The following WNT10B variants were observed in gnomAD, a reference collection of about 807,000 sequenced individuals.
WNT10B encodes the protein Wnt family member 10B, also known as protein Wnt-10b.
Under a neutral mutation model 32.7 loss-of-function variants are expected in WNT10B, and 26 were observed. That is an observed-to-expected ratio of 0.79 (90% CI 0.58 to 1.10). The LOEUF (loss-of-function observed/expected upper bound fraction) is 1.10, where lower values mean the gene tolerates loss of function less well. Ranked by LOEUF, WNT10B falls within the 50% of genes least tolerant of loss-of-function variation. The pLI, the probability that WNT10B is intolerant of heterozygous loss-of-function variation, is 0.00. For synonymous variants in WNT10B, 204 were observed against 220.4 expected (o/e 0.93, Z 0.66); for missense variants, 474 against 532.5 (o/e 0.89, Z 1.08).
At chr12:48,968,713 T>G (rs964180278) in intron 3 of WNT10B, among the ~76,000 whole-genome samples, 4 of 151,938 alleles carry the variant, frequency 2.6e-5, no homozygotes, top group African/African-American at 7.3e-5. Context: ...TCTGAAAGCC[T>G]TAGAAATTCC....
rs1592249379 is a variant in WNT10B, at chr12:48,966,018, A to C, written c.*77T>G. 16 of 1,557,456 alleles carry C rather than the reference A, an allele frequency of 1.0e-5. No homozygotes were observed. In the East Asian group the frequency reaches 3.6e-4, roughly 35 times the overall value. On this transcript the variant is annotated 3_prime_UTR_variant, in exon 5 of 5. Transcript: ENST00000301061. ...TCCAGGGACCAAGAGTGACCTTGGA[A>C]GGAAATCAGAGCAAAGGGCTGAAAA...
Position 48,968,043 on chromosome 12 carries a change from A to AT in WNT10B, c.613_614insA (p.Phe205TyrfsTer37). On this transcript the variant is annotated frameshift_variant, in exon 4 of 5. Transcript: ENST00000301061. LOFTEE classifies it high-confidence loss of function. ...GAAATCCCGAGAGAACTTCTCTCCA[A>AT]AGTCCATGTCATGGTTACAGCCACC... The AT allele has an allele frequency of 6.2e-7, 1 of 1,614,254 alleles. No individual in the cohort carries two copies. Among genetic ancestry groups the AT allele is most frequent in the East Asian group, 2.2e-5 (1 of 44,886 alleles).
chr12:48,969,969 G>A (rs2137614591), intron 3 of WNT10B, 120 bp downstream of exon 3: 1 of 1,216,094 alleles, frequency 8.2e-7, no homozygotes, highest in East Asian at 3.1e-5. Context: ...GGGGGGCGGG[G>A]AATTCCAGGA....
chr12:48,967,641 G>A (rs1019012313), intron 4 of WNT10B, among the ~76,000 whole-genome samples: 8 of 152,044 alleles, frequency 5.3e-5, no homozygotes, highest in Non-Finnish European at 4.4e-5. Flanking sequence ...ATATAGAGAT[G>A]GGGTCTCACA....
Position 48,971,635 on chromosome 12 carries a change from A to AAGGGAGGG in WNT10B, c.-229_-222dup, listed in dbSNP as rs1940857425. On this transcript the variant is annotated 5_prime_UTR_variant, in exon 1 of 5. Coordinates refer to ENST00000301061, the MANE Select transcript of WNT10B (RefSeq NM_003394.4). ...CAGCGCCGCCGCGGCCGCCGGGAGGAAGGGAGGGAGGAAGGGAGGGAGTGA... is the reference window on the plus strand; with the variant it reads ...CAGCGCCGCCGCGGCCGCCGGGAGGAAGGGAGGGAGGGAGGGAGGAAGGGAGGGAGTGA... 6.6e-6 allele frequency: 1 copy of AAGGGAGGG among 152,498 alleles called. No individual in the cohort carries two copies. The highest frequency in any genetic ancestry group is 2.4e-5 in the African/African-American group (1 of 41,358). The allele number at this position is 152,498 out of a possible 1,614,324, so 9.4% of individuals were successfully genotyped here.
Position 48,965,836 on chromosome 12 carries a change from T to C in WNT10B, c.*259A>G. The stretch of plus-strand genomic sequence containing the variant: ...TTGAGAAGTGGGAGGAGCAATACAG[T>C]GCATTTCATCTTAGTCCATTCAGGT... On this transcript the variant is annotated 3_prime_UTR_variant, in exon 5 of 5. Transcript: ENST00000301061. 1 of 540,902 alleles carries C rather than the reference T, an allele frequency of 1.8e-6. No homozygotes were observed. The highest frequency in any genetic ancestry group is 2.1e-5 in the South Asian group (1 of 47,060). 33.5% of individuals were successfully genotyped at this position (540,902 alleles called of 1,614,324 possible). A position where few individuals can be genotyped will look rare whatever the true frequency, so the allele number is the denominator to read the frequency against.
In WNT10B at chr12:48,965,659, G is replaced by T. The variant is rs1001074244; in HGVS notation, c.*436C>A. 1.2e-5 allele frequency: 2 copies of T among 171,994 alleles called. No individual in the cohort carries two copies. The highest frequency in any genetic ancestry group is 2.5e-5 in the Non-Finnish European group (2 of 79,626). 10.7% of individuals were successfully genotyped at this position (171,994 alleles called of 1,614,324 possible). ...CCAGGCTGCAGTAAAGGAGTTTGGG[G>T]ATAGTACATAGGAGTGGGTGATCTC... On this transcript the variant is annotated 3_prime_UTR_variant, in exon 5 of 5. Transcript: ENST00000301061.
In WNT10B at chr12:48,970,432, T is replaced by C; in HGVS notation, c.74+24A>G. 2 of 1,613,658 alleles carry C rather than the reference T, an allele frequency of 1.2e-6. No individual in the cohort carries two copies. The highest frequency in any genetic ancestry group is 2.2e-5 in the South Asian group (2 of 90,980). ...ACCCCGGGTCGGTGTTTCTATGGCC[T>C]GGGAGACAAGGGGAACTGCTCACCG... On this transcript the variant is annotated intron_variant, in intron 2 of 4. Coordinates refer to ENST00000301061, the MANE Select transcript of WNT10B (RefSeq NM_003394.4). The surrounding 1 kb of genome is among the most constrained non-coding windows in gnomAD (Gnocchi z 5.0).
chr12:48,969,281 AT>A lies in WNT10B; in HGVS notation c.337+807del, dbSNP rs1416168261. 2.9e-5 allele frequency: 11 copies of A among 385,532 alleles called. No individual in the cohort carries two copies. The Admixed American group carries it at 4.0e-4, about 14-fold the overall frequency. The allele number at this position is 385,532 out of a possible 1,614,324, so 23.9% of individuals were successfully genotyped here. ...CTAGGGCTCCTGGGCCAGCCTTCTG[AT>A]CCCCCTAACTCCAACCCTCCAGGGG... On this transcript the variant is annotated intron_variant, in intron 3 of 4. Coordinates refer to ENST00000301061, the MANE Select transcript of WNT10B (RefSeq NM_003394.4).
chr12:48,965,704 T>C lies in WNT10B; in HGVS notation c.*391A>G, dbSNP rs1940718784. The C allele has an allele frequency of 4.2e-6, 1 of 236,152 alleles. No homozygotes were observed. Among genetic ancestry groups the C allele is most frequent in the African/African-American group, 2.2e-5 (1 of 44,824 alleles). The allele number at this position is 236,152 out of a possible 1,614,324, so 14.6% of individuals were successfully genotyped here. On this transcript the variant is annotated 3_prime_UTR_variant, in exon 5 of 5. Coordinates refer to ENST00000301061, the MANE Select transcript of WNT10B (RefSeq NM_003394.4). ...GATCTCTTTCTAGATACAGATCTTATGGCTCCAAACAGTGCCTGGGGTTAT... is the reference window on the plus strand; with the variant it reads ...GATCTCTTTCTAGATACAGATCTTACGGCTCCAAACAGTGCCTGGGGTTAT...
At chr12:48,969,761 G>GT (rs1003986131) in intron 3 of WNT10B, among the ~76,000 whole-genome samples, 1 of 140,664 alleles carries the variant, frequency 7.1e-6, no homozygotes, top group Non-Finnish European at 1.7e-5. Flanking sequence ...GGAGGGAATA[G>GT]GGGGGCGTTT....
intron 4 of WNT10B, among the ~76,000 whole-genome samples, chr12:48,967,420 T>C (rs1940756355): frequency 6.6e-6 from 1 of 152,106 alleles, no homozygotes; most frequent in Admixed American, 6.6e-5. Flanking sequence ...CGCCTCGGCC[T>C]CCCAAAGTGC....
rs1340836134 is a variant in WNT10B, at chr12:48,968,157, A to G, written c.500T>C (p.Leu167Pro). 4 of 1,614,098 alleles carry G rather than the reference A, an allele frequency of 2.5e-6. No individual in the cohort carries two copies. The South Asian group carries it at 3.3e-5, about 13-fold the overall frequency. ...GTGGGGGAAACTCTTGCCTCGGGAC[A>G]GTGCCTGCAGCTGCAGCAGTTTGGC... ...LRAKLLQLQA[L>P]SRGKSFPHSL... The change falls in exon 4 of 5, where the codon CTG becomes CCG. Residue 167 changes from leucine to proline, a missense_variant. Physicochemically the swap from Leu to Pro is moderately conservative, Grantham distance 98. Coordinates refer to ENST00000301061, the MANE Select transcript of WNT10B (RefSeq NM_003394.4).
In WNT10B at chr12:48,966,023, A is replaced by G; in HGVS notation, c.*72T>C. On this transcript the variant is annotated 3_prime_UTR_variant, in exon 5 of 5. Coordinates refer to ENST00000301061, the MANE Select transcript of WNT10B (RefSeq NM_003394.4). ...GGACCAAGAGTGACCTTGGAAGGAA[A>G]TCAGAGCAAAGGGCTGAAAAGGCGC... The G allele has an allele frequency of 6.4e-7, 1 of 1,573,888 alleles. No homozygotes were observed.
rs776000270 is a variant in WNT10B, at chr12:48,968,050, T to C, written c.607A>G (p.Met203Val). The change falls in exon 4 of 5, where the codon ATG (methionine) becomes GTG (valine). Residue 203 changes from methionine (M) to valine (V), a missense_variant. Transcript: ENST00000301061. Reference sequence around the variant, plus strand: ...CGAGAGAACTTCTCTCCAAAGTCCATGTCATGGTTACAGCCACCCCATTCC... The same window carrying C: ...CGAGAGAACTTCTCTCCAAAGTCCACGTCATGGTTACAGCCACCCCATTCC... ...TWEWGGCNHD[M>V]DFGEKFSRDF... 1 of 1,614,228 alleles carries C rather than the reference T, an allele frequency of 6.2e-7. No individual in the cohort carries two copies. Among genetic ancestry groups the C allele is most frequent in the East Asian group, 2.2e-5 (1 of 44,892 alleles).
intron 3 of WNT10B, among the ~76,000 whole-genome samples, chr12:48,969,306 G>A (rs1940803049): frequency 6.6e-6 from 1 of 152,166 alleles, no homozygotes; most frequent in South Asian, 2.1e-4. Context: ...ACCCTCCAGG[G>A]GTGAAGCTGT....
chr12:48,971,112 A>T (rs1940847515), intron 1 of WNT10B, among the ~76,000 whole-genome samples: 1 of 152,144 alleles, frequency 6.6e-6, no homozygotes, highest in East Asian at 1.9e-4. Flanking sequence ...GAGAGGCTCC[A>T]GGTGCAGGAA....
chr12:48,970,794 C>A lies in WNT10B; in HGVS notation c.-40-225G>T. ...GCGTTGTCCCAGCTCAGGACTCAAG[C>A]GAGCACCCCTGGAACCTTGCCCAAT... On this transcript the variant is annotated intron_variant, in intron 1 of 4. Coordinates refer to ENST00000301061, the MANE Select transcript of WNT10B (RefSeq NM_003394.4). The surrounding 1 kb of genome is among the most constrained non-coding windows in gnomAD (Gnocchi z 5.0). The A allele has an allele frequency of 1.7e-6, 1 of 578,802 alleles. No homozygotes were observed. The highest frequency in any genetic ancestry group is 3.1e-6 in the Non-Finnish European group (1 of 324,608). 35.9% of individuals were successfully genotyped at this position (578,802 alleles called of 1,614,324 possible).
At chr12:48,968,441 C>A (rs1488524200) in intron 3 of WNT10B, 122 bp from the exon 4 acceptor site, 2 of 1,453,256 alleles carry the variant, frequency 1.4e-6, no homozygotes, top group Non-Finnish European at 1.9e-6. Context: ...CCTGACCCTG[C>A]CATTCACCAG....
Sources: gnomAD v4.1 joint callset for allele counts (sites outside exome capture counted in the v4.1 genomes callset) on GRCh38, gnomAD v4.1.1 for gene constraint, Gnocchi (gnomAD v3.1) non-coding constraint, MANE v1.5 for transcripts, NCBI Gene and HGNC (gene_info 2026-07-23, HGNC 2026-07-21) for gene names.